CRACD: variants seen among roughly 807,000 people sequenced by gnomAD.
CRACD encodes capping protein inhibiting regulator of actin dynamics, also known as capping protein-inhibiting regulator of actin dynamics.
A neutral mutation model predicts 106.8 loss-of-function variants in CRACD; 56 were observed. That is an observed-to-expected ratio of 0.52 (90% CI 0.42 to 0.66). CRACD has a LOEUF of 0.66. Ranked by LOEUF, CRACD falls within the 30% of genes least tolerant of loss-of-function variation. The probability of loss-of-function intolerance (pLI) is 0.00; values close to 1 mark genes in which losing one functional copy is unlikely to be tolerated. For synonymous variants in CRACD, 754 were observed against 670.8 expected (o/e 1.12, Z -1.92); for missense variants, 1,730 against 1,623.2 (o/e 1.07, Z -1.13).
intron 6 of CRACD, 129 bp from the exon 7 acceptor site, chr4:56,313,068 C>T: frequency 1.3e-6 from 1 of 760,662 alleles, no homozygotes; most frequent in Non-Finnish European, 2.2e-6. Flanking sequence ...TGAGGAGTTC[C>T]CTCTGCTCAC....
intron 1 of CRACD, among the ~76,000 whole-genome samples, chr4:56,134,161 C>T (rs1734918920): frequency 6.6e-6 from 1 of 151,552 alleles, no homozygotes; most frequent in Non-Finnish European, 1.5e-5. Context: ...AGATTCCCAC[C>T]ACTGTACTCT....
rs768422976 is a variant in CRACD at position 56,315,446 on chromosome 4, C to G, written c.1944C>G (p.Gly648=). 9 of 1,612,796 alleles carry G rather than the reference C, an allele frequency of 5.6e-6. No homozygotes were observed. The highest frequency in any genetic ancestry group is 3.3e-4 in the Middle Eastern group (2 of 6,084). The stretch of plus-strand genomic sequence containing the variant: ...GAGGCCCCGGCGACGCGAGGGCGGG[C>G]AGCGGGAAGGCTAAGCCCCGCCAGG... The part of the protein sequence containing the change: ...PPRGPGDARA[G]SGKAKPRQES... The change falls in exon 8 of 11, where the codon GGC becomes GGG. Residue 648 remains glycine, a synonymous_variant. Coordinates refer to ENST00000682029, the MANE Select transcript of CRACD (RefSeq NM_001393381.1). The surrounding 1 kb of genome is among the most constrained non-coding windows in gnomAD (Gnocchi z 4.1).
rs528856923 is a variant in CRACD at position 56,193,010 on chromosome 4, T to C, written c.-189+13580T>C. Among the ~76,000 whole-genome samples the C allele has an allele frequency of 4.3e-4, 66 of 152,268 alleles. 1 individual carries two copies. The highest frequency in any genetic ancestry group is 2.3e-3 in the South Asian group (11 of 4,818). ...GATTAGTCCATTCTCATGCTGCTAA[T>C]AAAGACATACCCAAGACTGGGTAAT... On this transcript the variant is annotated intron_variant, in intron 2 of 10. Coordinates refer to ENST00000682029, the MANE Select transcript of CRACD (RefSeq NM_001393381.1).
chr4:56,264,499 ATT>A (rs1741888860), intron 2 of CRACD, among the ~76,000 whole-genome samples: 5 of 152,190 alleles, frequency 3.3e-5, no homozygotes, highest in Non-Finnish European at 5.9e-5. Context: ...AGGACCTGGT[ATT>A]CCCTGAAAGG....
chr4:56,106,925 G>C (rs933974874), intron 1 of CRACD, among the ~76,000 whole-genome samples: 1 of 152,110 alleles, frequency 6.6e-6, no homozygotes, highest in South Asian at 2.1e-4. Flanking sequence ...GATGAAACTT[G>C]CCAGCTGTGC....
chr4:56,079,842 C>A (rs7659694), intron 1 of CRACD, among the ~76,000 whole-genome samples: 5 of 151,826 alleles, frequency 3.3e-5, no homozygotes, highest in African/African-American at 1.2e-4. Context: ...TTTTTTCCAA[C>A]GACGGAAGGC....
At chr4:56,070,142 A>G (rs1439312788) in intron 1 of CRACD, among the ~76,000 whole-genome samples, 3 of 152,000 alleles carry the variant, frequency 2.0e-5, no homozygotes, top group Non-Finnish European at 4.4e-5. Context: ...TTCACGGTGC[A>G]TTTCTGGTCC....
intron 2 of CRACD, among the ~76,000 whole-genome samples, chr4:56,189,223 G>A (rs1737247574): frequency 6.6e-6 from 1 of 151,466 alleles, no homozygotes; most frequent in East Asian, 1.9e-4. Context: ...ACACTCAGCT[G>A]TGATTCAGTG....
chr4:56,167,143 T>G (rs1185092129), intron 1 of CRACD, among the ~76,000 whole-genome samples: 1 of 152,254 alleles, frequency 6.6e-6, no homozygotes, highest in Non-Finnish European at 1.5e-5. Context: ...AAGGAAATTT[T>G]AAGTTTACCT....
intron 2 of CRACD, among the ~76,000 whole-genome samples, chr4:56,241,680 G>A (rs897945272): frequency 2.0e-5 from 3 of 152,178 alleles, no homozygotes; most frequent in African/African-American, 7.2e-5. Context: ...GACAGTACAG[G>A]AAATGCAGTT....
chr4:56,291,369 A>G (rs1039640168), intron 3 of CRACD, among the ~76,000 whole-genome samples: 3 of 152,114 alleles, frequency 2.0e-5, no homozygotes, highest in African/African-American at 4.8e-5. Context: ...CCACCTCCCA[A>G]TCATGTAATT....
chr4:56,093,284 T>G (rs911454163), intron 1 of CRACD, among the ~76,000 whole-genome samples: 1 of 152,170 alleles, frequency 6.6e-6, no homozygotes, highest in Non-Finnish European at 1.5e-5. Context: ...CTTTCCCCAC[T>G]TCCTGATGCG....
chr4:56,226,282 G>A (rs1739297704), intron 2 of CRACD, among the ~76,000 whole-genome samples: 1 of 152,176 alleles, frequency 6.6e-6, no homozygotes. Flanking sequence ...CATTAGATGG[G>A]CACATTGTTT....
At chr4:56,076,360 A>G (rs1577947533) in intron 1 of CRACD, among the ~76,000 whole-genome samples, 4 of 152,198 alleles carry the variant, frequency 2.6e-5, no homozygotes, top group African/African-American at 9.7e-5. Context: ...TACAGGGGTG[A>G]TATAGAAAAA....
At chr4:56,065,742 G>C (rs1241148548) in intron 1 of CRACD, among the ~76,000 whole-genome samples, 2 of 152,120 alleles carry the variant, frequency 1.3e-5, no homozygotes, top group Admixed American at 1.3e-4. Flanking sequence ...GTGGGATTAA[G>C]TATGTTCAGT....
At chr4:56,318,807 G>A (rs889652639) in intron 8 of CRACD, among the ~76,000 whole-genome samples, 1 of 152,190 alleles carries the variant, frequency 6.6e-6, no homozygotes, top group Non-Finnish European at 1.5e-5. Context: ...GTTAGGCAAG[G>A]ACCTGCAATT....
At chr4:56,268,706 T>C (rs1342019164) in intron 2 of CRACD, among the ~76,000 whole-genome samples, 1 of 152,204 alleles carries the variant, frequency 6.6e-6, no homozygotes, top group Non-Finnish European at 1.5e-5. Flanking sequence ...TTGCCAAAGA[T>C]CAGTTATAGA....
In CRACD at chr4:56,314,476, C is replaced by A. The variant is rs533604824; in HGVS notation, c.974C>A (p.Ala325Asp). The A allele has an allele frequency of 4.6e-6, 7 of 1,530,750 alleles. No individual in the cohort carries two copies. The highest frequency in any genetic ancestry group is 4.2e-5 in the Admixed American group (2 of 48,080). 94.8% of individuals were successfully genotyped at this position (1,530,750 alleles called of 1,614,324 possible). The change falls in exon 8 of 11, where the codon GCC becomes GAC. Residue 325 changes from alanine (A) to aspartate (D), a missense_variant. Around this residue, in one of 5 missense-constraint regions of CRACD, gnomAD observed 1,620 missense variants for 1,481.6 expected, o/e 1.09. Transcript: ENST00000682029. The surrounding 1 kb of genome is among the most constrained non-coding windows in gnomAD (Gnocchi z 4.4). ...EAEEERRRLQAQAQAEERRRL... is the reference protein window; with the variant it reads ...EAEEERRRLQDQAQAEERRRL... ...GAGGAGGAGCGAAGGCGTCTGCAGGCCCAGGCCCAAGCGGAGGAGAGGCGG... is the reference window on the plus strand; with the variant it reads ...GAGGAGGAGCGAAGGCGTCTGCAGGACCAGGCCCAAGCGGAGGAGAGGCGG...
At chr4:56,309,711 G>A (rs1441942154) in intron 5 of CRACD, among the ~76,000 whole-genome samples, 3 of 152,076 alleles carry the variant, frequency 2.0e-5, no homozygotes, top group East Asian at 1.9e-4. Flanking sequence ...AAAATTAGCC[G>A]GATGCGGTGG....
Sources: allele counts gnomAD v4.1 joint callset (sites outside exome capture counted in the v4.1 genomes callset), GRCh38; gene constraint gnomAD v4.1.1; regional missense constraint gnomAD v4.1.1; non-coding constraint Gnocchi (gnomAD v3.1); transcripts MANE v1.5; gene names NCBI Gene and HGNC (gene_info 2026-07-23, HGNC 2026-07-21).